PCDH9: variants seen among roughly 807,000 people sequenced by gnomAD.
The protein encoded by PCDH9 is protocadherin-9.
PCDH9 carries 24 observed loss-of-function variants against 70.6 expected under a neutral mutation model. That is an observed-to-expected ratio of 0.34 (90% confidence interval 0.25 to 0.48). The LOEUF is 0.48. Among genes scored for constraint, PCDH9 ranks in the 20% least tolerant of loss-of-function variants. PCDH9 has a pLI of 0.99. For synonymous variants in PCDH9, 562 were observed against 558.5 expected, an observed-to-expected ratio of 1.01 and a Z score of -0.09; for missense variants, 1,281 against 1,503.6, an observed-to-expected ratio of 0.85 and a Z score of 2.45.
At chr13:66,501,049 G>T (rs1043121445) in intron 4 of PCDH9, among the ~76,000 whole-genome samples, 1 of 152,040 alleles carries the variant, frequency 6.6e-6, no homozygotes, top group Non-Finnish European at 1.5e-5. Flanking sequence ...TTGATAAGTG[G>T]TAATATTTAT....
chr13:66,738,016 C>A (rs1219224170), intron 3 of PCDH9, among the ~76,000 whole-genome samples: 2 of 152,216 alleles, frequency 1.3e-5, no homozygotes, highest in African/African-American at 4.8e-5. Flanking sequence ...GGCCTGCCTG[C>A]CTCTGTAGCC....
At chr13:66,381,416 T>C (rs1362959015) in intron 4 of PCDH9, among the ~76,000 whole-genome samples, 1 of 152,196 alleles carries the variant, frequency 6.6e-6, no homozygotes, top group Non-Finnish European at 1.5e-5. Flanking sequence ...AGTAGCCCCT[T>C]AGTAGCTTCC....
At chr13:66,696,895 G>A (rs1324341958) in intron 3 of PCDH9, among the ~76,000 whole-genome samples, 1 of 150,246 alleles carries the variant, frequency 6.7e-6, no homozygotes, top group Admixed American at 6.7e-5. Flanking sequence ...GAGTCCAGGA[G>A]TTCAAGACCA....
chr13:66,646,613 G>A (rs976082687), intron 3 of PCDH9, among the ~76,000 whole-genome samples: 11 of 151,932 alleles, frequency 7.2e-5, no homozygotes, highest in Non-Finnish European at 1.5e-4. Context: ...TATCTGCTCA[G>A]AAAAAAATAC....
chr13:66,808,417 A>G (rs1322680969), intron 3 of PCDH9, among the ~76,000 whole-genome samples: 5 of 152,182 alleles, frequency 3.3e-5, no homozygotes, highest in African/African-American at 7.2e-5. Flanking sequence ...CAAATACAAG[A>G]TATATATTTT....
intron 2 of PCDH9, among the ~76,000 whole-genome samples, chr13:67,153,036 C>T (rs1359441266): frequency 2.6e-5 from 4 of 152,024 alleles, no homozygotes; most frequent in Admixed American, 6.6e-5. Context: ...CTCATTCTCA[C>T]TTCTGGGTTT....
chr13:67,083,746 G>A (rs904161716), intron 2 of PCDH9, among the ~76,000 whole-genome samples: 9 of 152,178 alleles, frequency 5.9e-5, no homozygotes, highest in Admixed American at 5.2e-4. Context: ...AAACACCAGA[G>A]AGGGCTGTTC....
intron 3 of PCDH9, among the ~76,000 whole-genome samples, chr13:66,665,762 GT>G (rs554245338): frequency 2.6e-5 from 4 of 151,772 alleles, no homozygotes; most frequent in African/African-American, 7.3e-5. Context: ...TAATTATTGA[GT>G]TTTTTTTAGA....
intron 4 of PCDH9, among the ~76,000 whole-genome samples, chr13:66,522,864 ATTG>A (rs1960058874): frequency 6.6e-6 from 1 of 152,110 alleles, no homozygotes; most frequent in African/African-American, 2.4e-5. Context: ...GCTTTTTGTT[ATTG>A]TTGTTGTTTT....
chr13:66,569,713 T>C (rs1302440796), intron 4 of PCDH9, among the ~76,000 whole-genome samples: 1 of 152,170 alleles, frequency 6.6e-6, no homozygotes, highest in Non-Finnish European at 1.5e-5. Context: ...AGGTTAATTA[T>C]AACCCCATTA....
intron 3 of PCDH9, among the ~76,000 whole-genome samples, chr13:66,779,872 T>TATATATATAC (rs1479407694): frequency 9.0e-5 from 6 of 66,538 alleles, no homozygotes; most frequent in Admixed American, 4.1e-4. Flanking sequence ...TATATACATA[T>TATATATATAC]ATGTGTGTGT....
intron 3 of PCDH9, among the ~76,000 whole-genome samples, chr13:66,694,516 AAAATATGACCCATATAGG>A: frequency 6.6e-6 from 1 of 152,210 alleles, no homozygotes; most frequent in Admixed American, 6.5e-5. Flanking sequence ...AGTAGGTTAA[AAAATATGACCCATATAGG>A]AAATAGCATC....
chr13:66,392,662 A>G (rs1479219299), intron 4 of PCDH9, among the ~76,000 whole-genome samples: 1 of 152,174 alleles, frequency 6.6e-6, no homozygotes, highest in Non-Finnish European at 1.5e-5. Context: ...TTTCCTGGGC[A>G]GTCTACATTT....
At chr13:67,022,137 TTTTTTTTTTTG>T (rs2084688758) in intron 2 of PCDH9, among the ~76,000 whole-genome samples, 1 of 61,144 alleles carries the variant, frequency 1.6e-5, no homozygotes, top group Non-Finnish European at 3.2e-5. Flanking sequence ...TTTTTTTTTT[TTTTTTTTTTTG>T]AGACAGAGTT....
chr13:67,030,037 T>C (rs1023215237), intron 2 of PCDH9, among the ~76,000 whole-genome samples: 1 of 152,164 alleles, frequency 6.6e-6, no homozygotes. Flanking sequence ...CAGGAGTAGA[T>C]GAAGATATGT....
chr13:66,452,797 C>T (rs1016801628), intron 4 of PCDH9, among the ~76,000 whole-genome samples: 1 of 152,166 alleles, frequency 6.6e-6, no homozygotes, highest in African/African-American at 2.4e-5. Context: ...ATTATACAGG[C>T]AAATGTATCA....
intron 2 of PCDH9, among the ~76,000 whole-genome samples, chr13:67,171,304 AGAATTTCAGG>A (rs1349900183): frequency 1.3e-5 from 2 of 152,228 alleles, no homozygotes; most frequent in South Asian, 2.1e-4. Context: ...GAGTCGGGGT[AGAATTTCAGG>A]GTAACAGTTG....
At chr13:66,728,486 G>C (rs775874450) in intron 3 of PCDH9, among the ~76,000 whole-genome samples, 1 of 152,066 alleles carries the variant, frequency 6.6e-6, no homozygotes, top group Non-Finnish European at 1.5e-5. Context: ...GTGAACCCAG[G>C]CTGGCTCCAG....
At chr13:67,182,770 T>C (rs541874812) in intron 2 of PCDH9, among the ~76,000 whole-genome samples, 92 of 152,226 alleles carry the variant, frequency 6.0e-4, no homozygotes, top group African/African-American at 2.0e-3. Context: ...AATTAGGAGA[T>C]GGATAAAATT....
Sources: allele counts gnomAD v4.1 joint callset (sites outside exome capture counted in the v4.1 genomes callset), GRCh38; gene constraint gnomAD v4.1.1; transcripts MANE v1.5; gene names NCBI Gene and HGNC (gene_info 2026-07-23, HGNC 2026-07-21).